Variants in TRIM36 observed in about 807,000 individuals in gnomAD.
TRIM36 encodes the protein E3 ubiquitin-protein ligase TRIM36.
In TRIM36, 42 loss-of-function variants were observed where a neutral mutation model predicts 72.4. The observed-to-expected ratio is 0.58, with a 90% CI of 0.45 to 0.75. The LOEUF is 0.75. Among genes scored for constraint, TRIM36 ranks in the 30% least tolerant of loss-of-function variants. TRIM36 has a pLI of 0.00. For synonymous variants in TRIM36, 315 were observed against 282.8 expected (o/e 1.11, Z -1.14); for missense variants, 913 against 857.1 (o/e 1.07, Z -0.81).
rs1002842911 is a variant in TRIM36 at position 115,180,120 on chromosome 5, C to T, written c.-83G>A. The T allele has an allele frequency of 1.3e-5, 19 of 1,422,444 alleles. No individual in the cohort carries two copies. The African/African-American group carries it at 2.3e-4, about 17-fold the overall frequency. The allele number at this position is 1,422,444 out of a possible 1,614,324, so 88.1% of individuals were successfully genotyped here. A position where few individuals can be genotyped will look rare whatever the true frequency, so the allele number is the denominator to read the frequency against. On this transcript the variant is annotated 5_prime_UTR_variant, in exon 1 of 10. Coordinates refer to the TRIM36 transcript ENST00000282369. ...TCTTTTCTCTTTTTCTGTTTTTAGT[C>T]TGAGTTTTGCCGAGCTCCCCGCCCA...
At chr5:115,129,724 A>T (rs1752547867) in intron 9 of TRIM36, among the ~76,000 whole-genome samples, 1 of 152,242 alleles carries the variant, frequency 6.6e-6, no homozygotes, top group Non-Finnish European at 1.5e-5. Flanking sequence ...GGATGTATGA[A>T]GCAAACAAAG....
At chr5:115,128,089 T>TGTG (rs138843533) in intron 9 of TRIM36, among the ~76,000 whole-genome samples, 1 of 146,508 alleles carries the variant, frequency 6.8e-6, no homozygotes, top group Non-Finnish European at 1.5e-5. Flanking sequence ...TAAAAAAAAT[T>TGTG]GGGGGGGGCC....
chr5:115,178,037 A>G (rs1755425759), intron 1 of TRIM36, among the ~76,000 whole-genome samples: 1 of 152,124 alleles, frequency 6.6e-6, no homozygotes, highest in Non-Finnish European at 1.5e-5. Context: ...AGGAGTTTTA[A>G]TGGTTCTGCC....
At chr5:115,165,081 G>T (rs1366726925) in intron 1 of TRIM36, among the ~76,000 whole-genome samples, 1 of 152,368 alleles carries the variant, frequency 6.6e-6, no homozygotes, top group African/African-American at 2.4e-5. Context: ...AGGGTGGACT[G>T]CCATGGCCTT....
intron 4 of TRIM36, among the ~76,000 whole-genome samples, chr5:115,143,147 AC>A (rs1357305476): frequency 1.4e-5 from 2 of 141,796 alleles, no homozygotes; most frequent in African/African-American, 2.7e-5. Context: ...GCAAAGAATC[AC>A]CCTACAGGTT....
intron 9 of TRIM36, among the ~76,000 whole-genome samples, chr5:115,128,224 C>G (rs1016125089): frequency 6.6e-6 from 1 of 151,502 alleles, no homozygotes; most frequent in Non-Finnish European, 1.5e-5. Flanking sequence ...ACAAAATTAG[C>G]TGGGTGTGGT....
Position 115,134,004 on chromosome 5 carries a change from T to C in TRIM36, c.1354A>G (p.Asn452Asp). The part of the protein sequence containing the change: ...KINRDDEMSW[N>D]EIEVCGTSKI... Reference sequence around the variant, plus strand: ...CTTGTTCCACACACTTCTATCTCATTCCATGACATTTCATCATCTCTATTG... The same window carrying C: ...CTTGTTCCACACACTTCTATCTCATCCCATGACATTTCATCATCTCTATTG... The change falls in exon 8 of 10, where the codon AAT (asparagine) becomes GAT (aspartate). Residue 452 changes from asparagine (N) to aspartate (D), a missense_variant. Coordinates refer to ENST00000513154, the MANE Select transcript of TRIM36 (RefSeq NM_001300759.2). 6.2e-7 allele frequency: 1 copy of C among 1,613,976 alleles called. No individual in the cohort carries two copies. Among genetic ancestry groups the C allele is most frequent in the Non-Finnish European group, 8.5e-7 (1 of 1,179,938 alleles).
chr5:115,168,342 T>G (rs1170584404), intron 1 of TRIM36, among the ~76,000 whole-genome samples: 1 of 152,214 alleles, frequency 6.6e-6, no homozygotes, highest in Non-Finnish European at 1.5e-5. Context: ...TTTCTCTACG[T>G]AGTTTTTTCC....
At chr5:115,153,345 T>TAAA (rs1256178788) in intron 2 of TRIM36, among the ~76,000 whole-genome samples, 2 of 151,904 alleles carry the variant, frequency 1.3e-5, no homozygotes, top group East Asian at 3.9e-4. Flanking sequence ...ATCACAATCC[T>TAAA]AAACATATAT....
At chr5:115,128,969 G>T (rs1341843300) in intron 9 of TRIM36, among the ~76,000 whole-genome samples, 1 of 151,862 alleles carries the variant, frequency 6.6e-6, no homozygotes, top group African/African-American at 2.4e-5. Context: ...TCCATTCATG[G>T]TAAGTACCCT....
rs2112842317 is a variant in TRIM36, at chr5:115,147,132, G to A, written c.525C>T (p.His175=). Residue 175 remains histidine, a synonymous_variant, in exon 3 of 10, where the codon CAC becomes CAT. Coordinates refer to ENST00000513154, the MANE Select transcript of TRIM36 (RefSeq NM_001300759.2). The stretch of plus-strand genomic sequence containing the variant: ...GTTGAGCTTTTATAGTACCCCAAGG[G>A]TGATGAATTTTGAAGCATTCATTGC... ...SYCNECFKIH[H]PWGTIKAQHE... is the part of the protein sequence containing the mutation. 1 of 1,614,186 alleles carries A rather than the reference G, an allele frequency of 6.2e-7. No homozygotes were observed. The highest frequency in any genetic ancestry group is 8.5e-7 in the Non-Finnish European group (1 of 1,180,036).
rs776287973 is a variant in TRIM36 at position 115,144,660 on chromosome 5, A to G, written c.673T>C (p.Leu225=). The G allele has an allele frequency of 2.5e-6, 4 of 1,614,130 alleles. No homozygotes were observed. The highest frequency in any genetic ancestry group is 3.3e-4 in the Middle Eastern group (2 of 6,062). ...CRRPVCHLCK[L]GGNHANHRVT... is the part of the protein sequence containing the mutation. ...CGGTGGTTGGCATGATTACCACCCAACTTACACAGATGGCAAACTGGCCTC... is the reference window on the plus strand; with the variant it reads ...CGGTGGTTGGCATGATTACCACCCAGCTTACACAGATGGCAAACTGGCCTC... The change falls in exon 4 of 10, where the codon TTG becomes CTG. Residue 225 remains leucine (L), a synonymous_variant. Transcript: ENST00000513154.
intron 2 of TRIM36, chr5:115,148,904 T>A (rs1389979574): frequency 4.6e-5 from 7 of 152,144 alleles, no homozygotes; most frequent in Non-Finnish European, 8.8e-5. Context: ...CATATAACTG[T>A]CATCACTCAA....
exon 1 of TRIM36, chr5:115,180,082 C>T (rs193300592): frequency 1.5e-4 from 238 of 1,567,326 alleles, no homozygotes; most frequent in Admixed American, 2.4e-4. Context: ...GCGGGTGTAT[C>T]GAATTTGTCC....
chr5:115,138,761 T>A (rs1349625631), intron 5 of TRIM36, among the ~76,000 whole-genome samples: 1 of 152,162 alleles, frequency 6.6e-6, no homozygotes, highest in African/African-American at 2.4e-5. Flanking sequence ...CAAACACTCC[T>A]AAGCACTTAT....
chr5:115,130,553 TA>T, intron 9 of TRIM36, 38 bp downstream of exon 9: 1 of 1,558,268 alleles, frequency 6.4e-7, no homozygotes, highest in Non-Finnish European at 8.7e-7. Flanking sequence ...GGCTTACTTT[TA>T]AAAAATTATC....
chr5:115,171,264 G>A (rs747326683), upstream of TRIM36: 37 of 1,610,522 alleles, frequency 2.3e-5, no homozygotes, highest in Middle Eastern at 1.7e-4. Context: ...AGGGACTATA[G>A]CAATTTTCTC....
At chr5:115,167,355 C>T (rs978459466) in intron 1 of TRIM36, among the ~76,000 whole-genome samples, 5 of 152,204 alleles carry the variant, frequency 3.3e-5, no homozygotes, top group Non-Finnish European at 7.3e-5. Flanking sequence ...TGGCAATTAA[C>T]ATTTGAGTCT....
intron 9 of TRIM36, 142 bp downstream of exon 9, chr5:115,130,450 G>A (rs1003182463): frequency 3.6e-6 from 3 of 831,312 alleles, no homozygotes; most frequent in East Asian, 2.7e-5. Flanking sequence ...AGAATACCCG[G>A]CTCCTTTTCT....
Sources: gnomAD v4.1 joint callset for allele counts (sites outside exome capture counted in the v4.1 genomes callset) on GRCh38, gnomAD v4.1.1 for gene constraint, MANE v1.5 for transcripts, NCBI Gene and HGNC (gene_info 2026-07-23, HGNC 2026-07-21) for gene names.